COCH: variants seen among roughly 807,000 people sequenced by gnomAD.
COCH encodes coagulation factor C homolog, cochlin (Limulus polyphemus).
A neutral mutation model predicts 54.8 loss-of-function variants in COCH; 40 were observed. That is an observed-to-expected ratio of 0.73 (90% CI 0.57 to 0.95). COCH has a LOEUF of 0.95. COCH is among the 40% of genes least tolerant of loss of function. The probability of loss-of-function intolerance (pLI) is 0.00; values close to 1 mark genes in which losing one functional copy is unlikely to be tolerated. For missense variants in COCH, 605 were observed against 675.0 expected, an observed-to-expected ratio of 0.90 and a Z score of 1.15; for synonymous variants, 256 against 237.9, an observed-to-expected ratio of 1.08 and a Z score of -0.70.
intron 6 of COCH, 90 bp downstream of exon 6, chr14:30,879,575 G>T (rs774804295): frequency 7.4e-5 from 98 of 1,331,066 alleles, no homozygotes; most frequent in Non-Finnish European, 1.0e-4. Context: ...TTTTCTTAAA[G>T]AAATTTGATA....
chr14:30,875,522 C>T (rs1181333840), intron 3 of COCH: 1 of 498,174 alleles, frequency 2.0e-6, no homozygotes, highest in Non-Finnish European at 3.5e-6. Flanking sequence ...TTCAGGTTGC[C>T]GTAGCCGAGA....
chr14:30,875,102 C>G lies in COCH; in HGVS notation c.81C>G (p.Ala27=). 1 of 1,567,944 alleles carries G rather than the reference C, an allele frequency of 6.4e-7. No individual in the cohort carries two copies. ...LLPGPAGSEG[A]APIAITCFTR... is the part of the protein sequence containing the mutation. ...CGGGGCCCGCGGGCAGCGAGGGAGC[C>G]GGTGAGTGGGGGAGCTGGGGTGCGT... The change falls in exon 3 of 12, where the codon GCC becomes GCG. Residue 27 remains alanine (A), a splice_region_variant and synonymous_variant. Transcript: ENST00000396618.
chr14:30,882,119 GGTTTTTTT>G (rs1195443697), intron 8 of COCH, among the ~76,000 whole-genome samples: 1 of 84,874 alleles, frequency 1.2e-5, no homozygotes, highest in Non-Finnish European at 2.2e-5. Context: ...ACTATAAAAT[GGTTTTTTT>G]TTTTTTTTTT....
chr14:30,886,845 A>G (rs112481351), intron 11 of COCH, among the ~76,000 whole-genome samples: 11 of 152,256 alleles, frequency 7.2e-5, no homozygotes, highest in African/African-American at 2.6e-4. Context: ...AGCCTTCCAA[A>G]TAGCTAGGAC....
At position 30,876,799 on chromosome 14, in the gene COCH, A is replaced by T. The variant is rs184271512; in HGVS notation, c.83-773A>T. Among the ~76,000 whole-genome samples, 832 of 149,344 alleles carry T rather than the reference A, an allele frequency of 5.6e-3. 2 individuals carry two copies. Among genetic ancestry groups the T allele is most frequent in the African/African-American group, 0.018 (744 of 40,776 alleles). On this transcript the variant is annotated intron_variant, in intron 3 of 11. Coordinates refer to ENST00000396618, the MANE Select transcript of COCH (RefSeq NM_004086.3). ...GCGTCATCAAAGTTGAGATTTAAAA[A>T]TTTTTTTTTTTCTTCTGGAGACAAG...
At chr14:30,878,306 T>TC (rs1895443178) in intron 4 of COCH, among the ~76,000 whole-genome samples, 2 of 152,248 alleles carry the variant, frequency 1.3e-5, no homozygotes, top group South Asian at 4.1e-4. Flanking sequence ...CTTAAGAAGT[T>TC]CAACAGCACA....
intron 3 of COCH, chr14:30,875,605 T>G: frequency 2.8e-6 from 1 of 352,594 alleles, no homozygotes; most frequent in South Asian, 9.5e-5. Flanking sequence ...ACCCCTATAA[T>G]CAGAAGCACT....
At chr14:30,876,460 T>C (rs772425844) in intron 3 of COCH, 1 of 152,224 alleles carries the variant, frequency 6.6e-6, no homozygotes, top group Non-Finnish European at 1.5e-5. Flanking sequence ...AAAAATGCTG[T>C]ATTCTGAAGG....
rs1895938464 is a variant in COCH at position 30,890,290 on chromosome 14, T to C, written c.*499T>C. 8 of 985,788 alleles carry C rather than the reference T, an allele frequency of 8.1e-6. No individual in the cohort carries two copies. The highest frequency in any genetic ancestry group is 6.1e-5 in the Admixed American group (1 of 16,390). 61.1% of individuals were successfully genotyped at this position (985,788 alleles called of 1,614,324 possible). On this transcript the variant is annotated 3_prime_UTR_variant, in exon 12 of 12. Coordinates refer to ENST00000396618, the MANE Select transcript of COCH (RefSeq NM_004086.3). ...AAAACCAATCAATAATAGCTAGCTA[T>C]TACTGCAGACTATAAAATCTGGATA...
chr14:30,882,120 G>GTTTTGTTTTTTTTTTTTTTTTTT (rs1895617844), intron 8 of COCH, among the ~76,000 whole-genome samples: 2 of 67,914 alleles, frequency 2.9e-5, no homozygotes, highest in South Asian at 6.4e-4. Context: ...CTATAAAATG[G>GTTTTGTTTTTTTTTTTTTTTTTT]TTTTTTTTTT....
chr14:30,875,094 G>T lies in COCH; in HGVS notation c.73G>T (p.Glu25Ter). The part of the protein sequence containing the change: ...LLLLPGPAGS[E>*]GAAPIAITCF... ...GCTGCTGCCGGGGCCCGCGGGCAGC[G>T]AGGGAGCCGGTGAGTGGGGGAGCTG... The change falls in exon 3 of 12, where the codon GAG becomes TAG. Residue 25 changes from glutamate to a stop codon, truncating the protein, a stop_gained. Coordinates refer to ENST00000396618, the MANE Select transcript of COCH (RefSeq NM_004086.3). LOFTEE classifies it high-confidence loss of function. 6.4e-7 allele frequency: 1 copy of T among 1,574,638 alleles called. No individual in the cohort carries two copies. Among genetic ancestry groups the T allele is most frequent in the Non-Finnish European group, 8.6e-7 (1 of 1,160,796 alleles).
chr14:30,890,573 G>GTAGTT lies in COCH; in HGVS notation c.*784_*788dup. 1.0e-6 allele frequency: 1 copy of GTAGTT among 968,598 alleles called. No individual in the cohort carries two copies. Among genetic ancestry groups the GTAGTT allele is most frequent in the Non-Finnish European group, 1.2e-6 (1 of 814,330 alleles). 60.0% of individuals were successfully genotyped at this position (968,598 alleles called of 1,614,324 possible). A position where few individuals can be genotyped will look rare whatever the true frequency, so the allele number is the denominator to read the frequency against. On this transcript the variant is annotated 3_prime_UTR_variant, in exon 12 of 12. Coordinates refer to ENST00000396618, the MANE Select transcript of COCH (RefSeq NM_004086.3). ...TTCAAATAACTGCAGAAAAAATATT[G>GTAGTT]TAGTTTGAATATTTAAGCAATAAAA...
chr14:30,874,920 G>T lies in COCH; in HGVS notation c.-19G>T. ...CGCATTCTCCCTCTCTCCCAGGTGT[G>T]AGCAGCCTATCAGTCACCATGTCCG... On this transcript the variant is annotated 5_prime_UTR_variant, in exon 2 of 12. Transcript: ENST00000396618. 1 of 1,613,482 alleles carries T rather than the reference G, an allele frequency of 6.2e-7. No homozygotes were observed. Among genetic ancestry groups the T allele is most frequent in the Non-Finnish European group, 8.5e-7 (1 of 1,179,826 alleles).
At chr14:30,892,675 C>T (rs1474380572), downstream of COCH, among the ~76,000 whole-genome samples, 2 of 152,070 alleles carry the variant, frequency 1.3e-5, no homozygotes, top group Admixed American at 6.6e-5. Context: ...GGTATGGTGG[C>T]GCATGCCTGT....
At chr14:30,893,584 G>A (rs1896049708), downstream of COCH, among the ~76,000 whole-genome samples, 1 of 152,182 alleles carries the variant, frequency 6.6e-6, no homozygotes, top group Non-Finnish European at 1.5e-5. Flanking sequence ...ATTTAATAAT[G>A]TAACAGGATG....
chr14:30,878,726 C>G, intron 4 of COCH, 85 bp from the exon 5 acceptor site: 2 of 1,576,648 alleles, frequency 1.3e-6, no homozygotes, highest in Non-Finnish European at 1.7e-6. Flanking sequence ...TTAATCAAAG[C>G]AATAGATACA....
At chr14:30,886,772 A>G (rs1594386440) in intron 11 of COCH, among the ~76,000 whole-genome samples, 1 of 152,190 alleles carries the variant, frequency 6.6e-6, no homozygotes, top group Non-Finnish European at 1.5e-5. Context: ...ACCAGGCTGG[A>G]GTGCAGTGGC....
At position 30,875,103 on chromosome 14, in the gene COCH, G is replaced by T. The variant is rs753980212; in HGVS notation, c.82G>T (p.Ala28Ser). Residue 28 changes from alanine (A) to serine (S), a missense_variant and splice_region_variant, in exon 3 of 12, where the codon GCT (alanine) becomes TCT (serine). Coordinates refer to ENST00000396618, the MANE Select transcript of COCH (RefSeq NM_004086.3). Reference sequence around the variant, plus strand: ...GGGGCCCGCGGGCAGCGAGGGAGCCGGTGAGTGGGGGAGCTGGGGTGCGTC... The same window carrying T: ...GGGGCCCGCGGGCAGCGAGGGAGCCTGTGAGTGGGGGAGCTGGGGTGCGTC... ...LPGPAGSEGA[A>S]PIAITCFTRG... 4 of 1,565,484 alleles carry T rather than the reference G, an allele frequency of 2.6e-6. No homozygotes were observed. The highest frequency in any genetic ancestry group is 3.5e-6 in the Non-Finnish European group (4 of 1,155,868).
At chr14:30,880,083 G>C (rs547567221) in intron 6 of COCH, among the ~76,000 whole-genome samples, 1 of 152,164 alleles carries the variant, frequency 6.6e-6, no homozygotes, top group African/African-American at 2.4e-5. Context: ...TTACTGCACT[G>C]TCATGTGACT....
Sources: gnomAD v4.1 joint callset for allele counts (sites outside exome capture counted in the v4.1 genomes callset) on GRCh38, gnomAD v4.1.1 for gene constraint, MANE v1.5 for transcripts, NCBI Gene and HGNC (gene_info 2026-07-23, HGNC 2026-07-21) for gene names.